SNCAIP: variants seen among roughly 807,000 people sequenced by gnomAD.
SNCAIP encodes synphilin-1.
A neutral mutation model predicts 86.7 loss-of-function variants in SNCAIP; 43 were observed. The ratio of observed to expected loss-of-function variants is 0.50; its 90% CI spans 0.39 to 0.64. SNCAIP has a LOEUF of 0.64. Ranked by LOEUF, SNCAIP falls within the 30% of genes least tolerant of loss-of-function variation. The probability of loss-of-function intolerance (pLI) is 0.00; values close to 1 mark genes in which losing one functional copy is unlikely to be tolerated. For synonymous variants in SNCAIP, 417 were observed against 427.2 expected, an observed-to-expected ratio of 0.98 and a Z score of 0.29; for missense variants, 981 against 1,103.1, an observed-to-expected ratio of 0.89 and a Z score of 1.57.
intron 1 of SNCAIP, chr5:122,369,860 A>G (rs1404688591): frequency 6.6e-6 from 1 of 152,124 alleles, no homozygotes; most frequent in Non-Finnish European, 1.5e-5. Flanking sequence ...CAGGCTTCTT[A>G]GCTCCTTTGC....
At chr5:122,396,046 T>C (rs1770552944) in intron 2 of SNCAIP, among the ~76,000 whole-genome samples, 1 of 152,156 alleles carries the variant, frequency 6.6e-6, no homozygotes, top group African/African-American at 2.4e-5. Context: ...TGTTTAGTGC[T>C]TCTCCGTGTG....
chr5:122,461,354 C>T (rs1786185774), intron 10 of SNCAIP, among the ~76,000 whole-genome samples: 1 of 152,144 alleles, frequency 6.6e-6, no homozygotes, highest in Non-Finnish European at 1.5e-5. Flanking sequence ...CAAGCTTTTT[C>T]AATCTGGAAC....
intron 1 of SNCAIP, among the ~76,000 whole-genome samples, chr5:122,365,258 C>T (rs561817634): frequency 8.5e-5 from 13 of 152,208 alleles, no homozygotes; most frequent in South Asian, 2.1e-4. Context: ...CCCAAAATGC[C>T]GTATGTCTTA....
At chr5:122,336,200 G>A (rs1935776799) in intron 1 of SNCAIP, among the ~76,000 whole-genome samples, 2 of 152,170 alleles carry the variant, frequency 1.3e-5, no homozygotes, top group African/African-American at 4.8e-5. Flanking sequence ...GAAAGAGAGA[G>A]AGAGTGTGTA....
At position 122,451,232 on chromosome 5, in the gene SNCAIP, C is replaced by G. The variant is rs1783627620; in HGVS notation, c.2385C>G (p.Pro795=). Reference sequence around the variant, plus strand: ...CTGCCCAGAAAGTTGCCACAAGTCCCAAGAGTGCCCTCAAGTCTCCATCTT... The same window carrying G: ...CTGCCCAGAAAGTTGCCACAAGTCCGAAGAGTGCCCTCAAGTCTCCATCTT... The part of the protein sequence containing the change: ...STAAQKVATS[P]KSALKSPSSK... The change falls in exon 10 of 11, where the codon CCC becomes CCG. Residue 795 remains proline (P), a synonymous_variant. Transcript: ENST00000261368. 6.2e-7 allele frequency: 1 copy of G among 1,614,030 alleles called. No homozygotes were observed. Among genetic ancestry groups the G allele is most frequent in the Admixed American group, 1.7e-5 (1 of 59,998 alleles).
At chr5:122,336,028 A>G (rs745869274) in intron 1 of SNCAIP, among the ~76,000 whole-genome samples, 5 of 152,230 alleles carry the variant, frequency 3.3e-5, no homozygotes, top group Non-Finnish European at 1.5e-5. Flanking sequence ...ATCAAGAATA[A>G]TATCTGCATT....
intron 10 of SNCAIP, among the ~76,000 whole-genome samples, chr5:122,460,580 C>G (rs1349383572): frequency 6.6e-6 from 1 of 152,094 alleles, no homozygotes; most frequent in Non-Finnish European, 1.5e-5. Context: ...CCTGCTTCCT[C>G]TTCCTCCCAC....
At chr5:122,415,184 A>G (rs1775047473) in intron 3 of SNCAIP, among the ~76,000 whole-genome samples, 1 of 152,176 alleles carries the variant, frequency 6.6e-6, no homozygotes, top group Admixed American at 6.5e-5. Context: ...TGTTCCTCCC[A>G]CTTTGTATGC....
chr5:122,351,066 A>G (rs974379959), intron 1 of SNCAIP, among the ~76,000 whole-genome samples: 1 of 152,228 alleles, frequency 6.6e-6, no homozygotes, highest in African/African-American at 2.4e-5. Flanking sequence ...CTATGCCTCC[A>G]ACATTTTTCT....
chr5:122,364,111 C>T (rs909077651), intron 1 of SNCAIP, among the ~76,000 whole-genome samples: 9 of 152,214 alleles, frequency 5.9e-5, no homozygotes, highest in African/African-American at 1.7e-4. Flanking sequence ...TTGTCAGAGG[C>T]GTTTGAACCA....
intron 3 of SNCAIP, among the ~76,000 whole-genome samples, chr5:122,421,858 G>T (rs1448476393): frequency 2.6e-5 from 4 of 152,034 alleles, no homozygotes; most frequent in Non-Finnish European, 5.9e-5. Flanking sequence ...TCAAGAGAAG[G>T]CACCAGGCAG....
intron 1 of SNCAIP, among the ~76,000 whole-genome samples, chr5:122,348,191 C>T (rs552331124): frequency 1.8e-4 from 27 of 152,042 alleles, no homozygotes; most frequent in South Asian, 2.1e-4. Flanking sequence ...ATGTTCAGTT[C>T]CCAAGTATTT....
intron 5 of SNCAIP, among the ~76,000 whole-genome samples, chr5:122,426,770 A>G (rs1233770241): frequency 1.3e-5 from 2 of 152,242 alleles, no homozygotes; most frequent in African/African-American, 4.8e-5. Context: ...AGATAAATAG[A>G]ACTAAACTAC....
intron 1 of SNCAIP, among the ~76,000 whole-genome samples, chr5:122,320,495 G>A (rs553478953): frequency 2.0e-5 from 3 of 152,216 alleles, no homozygotes; most frequent in Admixed American, 6.5e-5. Context: ...ATAAATAATC[G>A]AAATAAAGCG....
At chr5:122,428,241 C>G (rs1044492307) in intron 5 of SNCAIP, among the ~76,000 whole-genome samples, 8 of 152,130 alleles carry the variant, frequency 5.3e-5, no homozygotes, top group Non-Finnish European at 8.8e-5. Flanking sequence ...ACTGATACCC[C>G]CTTGCTGTAT....
intron 10 of SNCAIP, among the ~76,000 whole-genome samples, chr5:122,460,059 A>C (rs1040253146): frequency 6.6e-6 from 1 of 152,162 alleles, no homozygotes; most frequent in African/African-American, 2.4e-5. Context: ...ATCCCAGAGA[A>C]TATTTCAGGT....
chr5:122,338,087 T>A (rs892921694), intron 1 of SNCAIP, among the ~76,000 whole-genome samples: 6 of 152,220 alleles, frequency 3.9e-5, no homozygotes, highest in Admixed American at 1.3e-4. Context: ...GTATTTTAAG[T>A]CTTTTCTCAA....
At chr5:122,350,575 T>G (rs1161234910) in intron 1 of SNCAIP, among the ~76,000 whole-genome samples, 1 of 152,056 alleles carries the variant, frequency 6.6e-6, no homozygotes, top group Non-Finnish European at 1.5e-5. Context: ...TGTTTTCCTG[T>G]TTTTTAGCTC....
intron 2 of SNCAIP, among the ~76,000 whole-genome samples, chr5:122,397,315 A>G (rs1287052814): frequency 6.6e-6 from 1 of 152,078 alleles, no homozygotes; most frequent in Non-Finnish European, 1.5e-5. Flanking sequence ...CTTATTATAC[A>G]ATATAAGGAG....
Sources: allele counts gnomAD v4.1 joint callset (sites outside exome capture counted in the v4.1 genomes callset), GRCh38; gene constraint gnomAD v4.1.1; transcripts MANE v1.5; gene names NCBI Gene and HGNC (gene_info 2026-07-23, HGNC 2026-07-21).